FANCC: variants seen among roughly 807,000 people sequenced by gnomAD.
The protein encoded by FANCC is FA complementation group C.
FANCC carries 55 observed loss-of-function variants against 71.3 expected under a neutral mutation model. The observed-to-expected ratio is 0.77, with a 90% CI of 0.62 to 0.97. FANCC has a LOEUF of 0.97. Among genes scored for constraint, FANCC ranks in the 50% least tolerant of loss-of-function variants. The pLI is 0.00. For synonymous variants in FANCC, 275 were observed against 244.9 expected, an observed-to-expected ratio of 1.12 and a Z score of -1.15; for missense variants, 678 against 670.9, an observed-to-expected ratio of 1.01 and a Z score of -0.12.
intron 4 of FANCC, among the ~76,000 whole-genome samples, chr9:95,225,935 T>C (rs1829584528): frequency 6.6e-6 from 1 of 152,152 alleles, no homozygotes; most frequent in Admixed American, 6.5e-5. Flanking sequence ...ATAGAGACAT[T>C]TTAAAAATTC....
At chr9:95,290,688 GGAAGTCCTAAAAGCA>G (rs1219120124) in intron 1 of FANCC, among the ~76,000 whole-genome samples, 3 of 152,110 alleles carry the variant, frequency 2.0e-5, no homozygotes, top group Admixed American at 2.0e-4. Flanking sequence ...AAGGCAAAGA[GGAAGTCCTAAAAGCA>G]GACAGAGATT....
chr9:95,232,556 G>T (rs2136001511), intron 4 of FANCC, among the ~76,000 whole-genome samples: 1 of 152,272 alleles, frequency 6.6e-6, no homozygotes, highest in Non-Finnish European at 1.5e-5. Context: ...GAATAAATAA[G>T]ATTTTTTTCT....
intron 4 of FANCC, among the ~76,000 whole-genome samples, chr9:95,230,255 T>G (rs755058042): frequency 2.6e-5 from 4 of 152,174 alleles, no homozygotes; most frequent in Non-Finnish European, 5.9e-5. Flanking sequence ...GCGGCTGCAG[T>G]GCAGTCACAC....
At chr9:95,237,069 T>TA (rs57904371) in intron 4 of FANCC, among the ~76,000 whole-genome samples, 1 of 152,324 alleles carries the variant, frequency 6.6e-6, no homozygotes, top group African/African-American at 2.4e-5. Context: ...TTAGAGTTGT[T>TA]AAGAGTTAAA....
chr9:95,242,703 G>A (rs1401073571), intron 3 of FANCC, among the ~76,000 whole-genome samples: 1 of 152,144 alleles, frequency 6.6e-6, no homozygotes, highest in East Asian at 1.9e-4. Flanking sequence ...ACCTGTAGGA[G>A]GTGACTTTCT....
chr9:95,103,821 G>A (rs945432853), intron 14 of FANCC, among the ~76,000 whole-genome samples: 1 of 152,234 alleles, frequency 6.6e-6, no homozygotes, highest in Non-Finnish European at 1.5e-5. Context: ...GGCAGATGGG[G>A]CTGCAGGACC....
At chr9:95,229,947 C>A (rs1330305775) in intron 4 of FANCC, among the ~76,000 whole-genome samples, 4 of 152,082 alleles carry the variant, frequency 2.6e-5, no homozygotes, top group Non-Finnish European at 5.9e-5. Context: ...TTTATCCATT[C>A]AGTAGTTTTT....
intron 1 of FANCC, among the ~76,000 whole-genome samples, chr9:95,313,890 T>C (rs1835570898): frequency 6.6e-6 from 1 of 152,184 alleles, no homozygotes; most frequent in South Asian, 2.1e-4. Context: ...TAACATTTGT[T>C]CATAAGAATT....
intron 14 of FANCC, among the ~76,000 whole-genome samples, chr9:95,106,568 T>C (rs978774747): frequency 6.6e-5 from 10 of 152,256 alleles, no homozygotes; most frequent in African/African-American, 2.4e-4. Flanking sequence ...GTGCTCACTT[T>C]TGACTTGGAC....
intron 4 of FANCC, among the ~76,000 whole-genome samples, chr9:95,223,173 G>C (rs189307332): frequency 6.6e-6 from 1 of 152,184 alleles, no homozygotes; most frequent in Admixed American, 6.5e-5. Context: ...CTGTGACAAA[G>C]TACCACAAGT....
intron 1 of FANCC, among the ~76,000 whole-genome samples, chr9:95,270,407 T>C (rs527957238): frequency 1.3e-5 from 2 of 148,574 alleles, no homozygotes; most frequent in Non-Finnish European, 1.5e-5. Flanking sequence ...ACTGTGAGAG[T>C]GCACATTTAT....
In FANCC at chr9:95,260,684, T is replaced by TAAA. The variant is rs542398381; in HGVS notation, c.-78-11316_-78-11315insTTT. On this transcript the variant is annotated intron_variant, in intron 1 of 14. Transcript: ENST00000289081. ...TGCACATGTATCTCAGAACTTAAAA[T>TAAA]ATAAAAAAAAAAAAAAAACTTCCAG... Among the ~76,000 whole-genome samples the TAAA allele has an allele frequency of 1.0e-4, 13 of 130,246 alleles. 1 individual carries two copies. Among genetic ancestry groups the TAAA allele is most frequent in the Non-Finnish European group, 1.8e-4 (11 of 60,208 alleles). The allele number at this position is 130,246 out of a possible 152,430, so 85.4% of individuals were successfully genotyped here.
At chr9:95,168,083 T>G (rs1825422911) in intron 6 of FANCC, among the ~76,000 whole-genome samples, 1 of 152,122 alleles carries the variant, frequency 6.6e-6, no homozygotes, top group Non-Finnish European at 1.5e-5. Flanking sequence ...CTTTACTGGT[T>G]TTTCAAGAGC....
In FANCC at chr9:95,286,241, A is replaced by G. The variant is rs1833679603; in HGVS notation, c.-79+31285T>C. Among the ~76,000 whole-genome samples the G allele has an allele frequency of 2.0e-5, 3 of 152,352 alleles. No individual in the cohort carries two copies. In the South Asian group the frequency reaches 6.2e-4, roughly 32 times the overall value. ...ATTAATTTATAAATTTCCTATAATA[A>G]TCATGTATTATTTTTGTAACCAGTG... On this transcript the variant is annotated intron_variant, in intron 1 of 14. Coordinates refer to ENST00000289081, the MANE Select transcript of FANCC (RefSeq NM_000136.3).
chr9:95,264,575 C>G (rs1832270558), intron 1 of FANCC, among the ~76,000 whole-genome samples: 1 of 152,162 alleles, frequency 6.6e-6, no homozygotes, highest in Non-Finnish European at 1.5e-5. Context: ...ACCATATAAG[C>G]TTCTCAAAGT....
chr9:95,101,665 C>G lies in FANCC; in HGVS notation c.*42G>C, dbSNP rs7029888. 10 of 1,611,114 alleles carry G rather than the reference C, an allele frequency of 6.2e-6. No individual in the cohort carries two copies. The African/African-American group carries it at 1.3e-4, about 22-fold the overall frequency. On this transcript the variant is annotated 3_prime_UTR_variant, in exon 15 of 15. Coordinates refer to ENST00000289081, the MANE Select transcript of FANCC (RefSeq NM_000136.3). ...TCACCTGTCCTGTGGCCCTGGCGAG[C>G]CTGATCCCTCACGCCGGGCACCCAC...
rs576890113 is a variant in FANCC at position 95,265,681 on chromosome 9, T to C, written c.-78-16312A>G. 2.5e-4 allele frequency among the ~76,000 whole-genome samples: 38 copies of C among 152,332 alleles called. No individual in the cohort carries two copies. The South Asian group carries it at 6.6e-3, about 27-fold the overall frequency. ...GTTATTAAAATATTAGGAAGCTTCT[T>C]CTTGCCTTGTGACTTGGCTCCAAGT... is the stretch of plus-strand genomic sequence containing the variant. On this transcript the variant is annotated intron_variant, in intron 1 of 14. Transcript: ENST00000289081.
chr9:95,291,146 T>C (rs1833972480), intron 1 of FANCC, among the ~76,000 whole-genome samples: 1 of 152,094 alleles, frequency 6.6e-6, no homozygotes. Context: ...TTAAAAGCAT[T>C]TTCTCTAAAA....
intron 4 of FANCC, among the ~76,000 whole-genome samples, chr9:95,202,775 C>A (rs1827880343): frequency 6.6e-6 from 1 of 152,134 alleles, no homozygotes; most frequent in South Asian, 2.1e-4. Flanking sequence ...CATCCCCAAA[C>A]TAGAAATCAA....
Sources: gnomAD v4.1 joint callset for allele counts (sites outside exome capture counted in the v4.1 genomes callset) on GRCh38, gnomAD v4.1.1 for gene constraint, MANE v1.5 for transcripts, NCBI Gene and HGNC (gene_info 2026-07-23, HGNC 2026-07-21) for gene names.